The following FBXO11 variants were observed in gnomAD, a reference collection of about 807,000 sequenced individuals.
FBXO11 encodes the protein F-box protein 11.
FBXO11 carries 13 observed loss-of-function variants against 117.0 expected under a neutral mutation model. The observed-to-expected ratio is 0.11, with a 90% confidence interval of 0.07 to 0.18. The LOEUF (loss-of-function observed/expected upper bound fraction) is 0.18, where lower values mean the gene tolerates loss of function less well. FBXO11 is among the 10% of genes least tolerant of loss of function. The pLI, the probability that FBXO11 is intolerant of heterozygous loss-of-function variation, is 1.00. For missense variants in FBXO11, 767 were observed against 1,164.4 expected (o/e 0.66, Z 4.97); for synonymous variants, 490 against 380.5 (o/e 1.29, Z -3.35).
chr2:47,830,380 A>T (rs1022490080), intron 11 of FBXO11, among the ~76,000 whole-genome samples: 2 of 152,208 alleles, frequency 1.3e-5, no homozygotes, highest in African/African-American at 4.8e-5. Flanking sequence ...GCGTTCTTTA[A>T]AAAAAACAAA....
chr2:47,857,122 A>G (rs1168344411), intron 1 of FBXO11, among the ~76,000 whole-genome samples: 1 of 152,182 alleles, frequency 6.6e-6, no homozygotes, highest in Non-Finnish European at 1.5e-5. Flanking sequence ...TTTGCACACA[A>G]TTCTTTTAAT....
At chr2:47,842,737 T>C (rs1368841813) in intron 1 of FBXO11, among the ~76,000 whole-genome samples, 3 of 147,550 alleles carry the variant, frequency 2.0e-5, no homozygotes, top group African/African-American at 7.6e-5. Flanking sequence ...TCGATTAACA[T>C]CACTTTCAAA....
At chr2:47,888,802 T>C (rs1052790882) in intron 1 of FBXO11, 1 of 234,700 alleles carries the variant, frequency 4.3e-6, no homozygotes, top group East Asian at 1.8e-4. Context: ...TCTGCTATAT[T>C]TGGTTCTAGC....
intron 21 of FBXO11, 65 bp from the exon 22 acceptor site, chr2:47,808,492 TTTATA>T (rs3136372): frequency 0.092 from 128,267 of 1,387,832 alleles, 6,896 homozygotes; most frequent in Non-Finnish European, 0.11. Context: ...TTCCATTCTG[TTTATA>T]TATTACTATG....
chr2:47,899,727 T>C (rs1008854686), intron 1 of FBXO11, among the ~76,000 whole-genome samples: 14 of 152,212 alleles, frequency 9.2e-5, no homozygotes, highest in Non-Finnish European at 1.5e-4. Flanking sequence ...CAAAGTCACA[T>C]ACTATAATTC....
At chr2:47,879,655 G>A (rs1190399352) in intron 1 of FBXO11, among the ~76,000 whole-genome samples, 1 of 152,164 alleles carries the variant, frequency 6.6e-6, no homozygotes, top group Non-Finnish European at 1.5e-5. Context: ...GCTACCCTCT[G>A]TCTATGATTA....
chr2:47,846,925 G>A (rs1451072374), intron 1 of FBXO11, among the ~76,000 whole-genome samples: 3 of 152,152 alleles, frequency 2.0e-5, no homozygotes, highest in Non-Finnish European at 4.4e-5. Flanking sequence ...GACACATACA[G>A]TCACTTATCA....
chr2:47,869,428 T>C (rs528187937), intron 1 of FBXO11, among the ~76,000 whole-genome samples: 1 of 152,096 alleles, frequency 6.6e-6, no homozygotes, highest in Non-Finnish European at 1.5e-5. Flanking sequence ...AACTCTACAA[T>C]GAAGGAAAGG....
intron 19 of FBXO11, 44 bp downstream of exon 19, chr2:47,810,272 G>A: frequency 9.3e-6 from 12 of 1,285,120 alleles, no homozygotes; most frequent in Non-Finnish European, 1.3e-5. Flanking sequence ...CAAACACTTT[G>A]CAGAACTATA....
intron 1 of FBXO11, among the ~76,000 whole-genome samples, chr2:47,847,993 G>A (rs969089700): frequency 5.3e-5 from 8 of 151,640 alleles, no homozygotes; most frequent in Admixed American, 2.0e-4. Context: ...GCGTGGTGAC[G>A]GGTGCTTGTA....
chr2:47,854,604 G>C (rs1674125012), intron 1 of FBXO11, among the ~76,000 whole-genome samples: 2 of 151,912 alleles, frequency 1.3e-5, no homozygotes, highest in African/African-American at 2.4e-5. Flanking sequence ...AAAATGAGAG[G>C]GACAAACTAG....
rs950040907 is a variant in FBXO11 at position 47,860,410 on chromosome 2, A to T, written c.233-20641T>A. On this transcript the variant is annotated intron_variant, in intron 1 of 22. Transcript: ENST00000403359. ...AGCCTTAAGAATTATTTTACCCTGG[A>T]TTTTTTTTTTTTTTTTTGGAGACAG... Among the ~76,000 whole-genome samples, 72 of 138,970 alleles carry T rather than the reference A, an allele frequency of 5.2e-4. 1 individual carries two copies. The highest frequency in any genetic ancestry group is 1.7e-3 in the African/African-American group (65 of 37,780). The allele number at this position is 138,970 out of a possible 152,430, so 91.2% of individuals were successfully genotyped here.
intron 17 of FBXO11, 47 bp from the exon 18 acceptor site, chr2:47,813,424 A>AT: frequency 6.9e-6 from 4 of 579,362 alleles, no homozygotes; most frequent in East Asian, 1.1e-4. Flanking sequence ...ATTTCTTTTT[A>AT]ATTTTTTTTT....
chr2:47,841,353 TA>T lies in FBXO11; in HGVS notation c.233-1585del, dbSNP rs148314372. The stretch of plus-strand genomic sequence containing the variant: ...AAACATTCCAGTAATGAAGGGATAA[TA>T]AAATTAGAGAATCACCATTCTGCTA... On this transcript the variant is annotated intron_variant, in intron 1 of 22. Transcript: ENST00000403359. Among the ~76,000 whole-genome samples the T allele has an allele frequency of 6.4e-3, 974 of 152,236 alleles. 15 individuals carry two copies. Among genetic ancestry groups the T allele is most frequent in the African/African-American group, 0.022 (925 of 41,536 alleles).
chr2:47,855,591 T>C (rs1435667838), intron 1 of FBXO11, among the ~76,000 whole-genome samples: 1 of 152,176 alleles, frequency 6.6e-6, no homozygotes, highest in African/African-American at 2.4e-5. Flanking sequence ...CCCAGCACTT[T>C]GGGAGGCCAG....
intron 1 of FBXO11, among the ~76,000 whole-genome samples, chr2:47,889,985 C>T (rs1013939735): frequency 1.3e-5 from 2 of 152,180 alleles, no homozygotes; most frequent in Admixed American, 6.6e-5. Context: ...ATGCTACAGT[C>T]GCAAACTTAT....
intron 18 of FBXO11, among the ~76,000 whole-genome samples, chr2:47,812,019 T>C (rs1284578386): frequency 1.3e-5 from 2 of 152,078 alleles, no homozygotes; most frequent in Non-Finnish European, 2.9e-5. Flanking sequence ...GCCTGAGTTA[T>C]TCCAAGTCCC....
At chr2:47,898,406 A>C (rs1031153501) in intron 1 of FBXO11, among the ~76,000 whole-genome samples, 5 of 152,232 alleles carry the variant, frequency 3.3e-5, no homozygotes, top group African/African-American at 7.2e-5. Context: ...TTTAGTCCAC[A>C]AACCAGTCAA....
At chr2:47,809,824 GTC>G in intron 19 of FBXO11, 117 bp from the exon 20 acceptor site, 4 of 636,080 alleles carry the variant, frequency 6.3e-6, no homozygotes, top group Non-Finnish European at 1.1e-5. Flanking sequence ...CCCTCTTAAT[GTC>G]TACTGAATAA....
Sources: allele counts gnomAD v4.1 joint callset (sites outside exome capture counted in the v4.1 genomes callset), GRCh38; gene constraint gnomAD v4.1.1; transcripts MANE v1.5; gene names NCBI Gene and HGNC (gene_info 2026-07-23, HGNC 2026-07-21).